The following DYNC2I2 variants were observed in gnomAD, a reference collection of about 807,000 sequenced individuals.
DYNC2I2 encodes the protein cytoplasmic dynein 2 intermediate chain 2.
DYNC2I2 carries 39 observed loss-of-function variants against 52.0 expected under a neutral mutation model. The observed-to-expected ratio is 0.75, with a 90% CI of 0.58 to 0.98. DYNC2I2 has a LOEUF of 0.98. Among genes scored for constraint, DYNC2I2 ranks in the 50% least tolerant of loss-of-function variants. The pLI is 0.00. For missense variants in DYNC2I2, 743 were observed against 728.4 expected, an observed-to-expected ratio of 1.02 and a Z score of -0.23; for synonymous variants, 359 against 321.1, an observed-to-expected ratio of 1.12 and a Z score of -1.26.
In DYNC2I2 at chr9:128,648,799, C is replaced by CAA. The variant is rs56801175; in HGVS notation, c.186+7740_186+7741dup. On this transcript the variant is annotated intron_variant, in intron 1 of 8. Transcript: ENST00000372715. ...TGGGCGACGGAGGGAGACTCCGTTT[C>CAA]AAAAAAAAAAAAAAGAGAGAGAGAA... Among the ~76,000 whole-genome samples, 1,265 of 132,086 alleles carry CAA rather than the reference C, an allele frequency of 9.6e-3. 13 individuals are homozygous for CAA. Among genetic ancestry groups the CAA allele is most frequent in the African/African-American group, 0.02 (667 of 32,892 alleles). 86.7% of individuals were successfully genotyped at this position (132,086 alleles called of 152,430 possible).
intron 2 of DYNC2I2, among the ~76,000 whole-genome samples, chr9:128,638,818 A>C (rs1193795383): frequency 6.6e-6 from 1 of 152,236 alleles, no homozygotes; most frequent in Non-Finnish European, 1.5e-5. Flanking sequence ...ATGAGTGGCT[A>C]AATGAATGTG....
At chr9:128,671,302 C>CTT in the DYNC2I2 span, among the ~76,000 whole-genome samples, 8 of 135,292 alleles carry the variant, frequency 5.9e-5, no homozygotes, top group South Asian at 4.7e-4. Context: ...CCCTGTCTCT[C>CTT]TTTTTTTTTT....
the DYNC2I2 span, among the ~76,000 whole-genome samples, chr9:128,663,952 CTT>C: frequency 6.9e-5 from 7 of 102,014 alleles, no homozygotes; most frequent in Non-Finnish European, 9.5e-5. Context: ...TGCACCCAGG[CTT>C]TTTTTTTTTT....
upstream of DYNC2I2, among the ~76,000 whole-genome samples, chr9:128,657,508 G>A (rs919163227): frequency 6.6e-6 from 1 of 151,910 alleles, no homozygotes; most frequent in African/African-American, 2.4e-5. Context: ...TAAAAATAAA[G>A]AATAAACAAA....
chr9:128,641,065 C>G, intron 1 of DYNC2I2, 126 bp from the exon 2 acceptor site: 1 of 1,406,460 alleles, frequency 7.1e-7, no homozygotes, highest in Non-Finnish European at 9.3e-7. Flanking sequence ...AGGGGCCTCT[C>G]TCAGTGAGGT....
At chr9:128,635,883 A>G in intron 4 of DYNC2I2, 116 bp from the exon 5 acceptor site, 1 of 955,184 alleles carries the variant, frequency 1.0e-6, no homozygotes, top group Non-Finnish European at 1.6e-6. Flanking sequence ...CGGCAGAGCC[A>G]CTTGGCTGGA....
the DYNC2I2 span, among the ~76,000 whole-genome samples, chr9:128,680,106 G>A: frequency 1.3e-5 from 2 of 151,850 alleles, no homozygotes; most frequent in East Asian, 3.9e-4. Context: ...TGTTGCCCAG[G>A]CTGGAGTGCA....
rs1487119968 is a variant in DYNC2I2, at chr9:128,636,564, G to C, written c.546-126C>G. 8 of 1,136,474 alleles carry C rather than the reference G, an allele frequency of 7.0e-6. No homozygotes were observed. In the African/African-American group the frequency reaches 1.1e-4, roughly 15 times the overall value. The allele number at this position is 1,136,474 out of a possible 1,614,324, so 70.4% of individuals were successfully genotyped here. On this transcript the variant is annotated intron_variant, in intron 3 of 8. Coordinates refer to ENST00000372715, the MANE Select transcript of DYNC2I2 (RefSeq NM_052844.4). ...TTGTCACCACCAGACACTACTCTGG[G>C]TATTGAAGTGGCCCACACTCCACTC...
intron 1 of DYNC2I2, among the ~76,000 whole-genome samples, chr9:128,645,377 C>A (rs1284199997): frequency 2.0e-5 from 3 of 151,546 alleles, no homozygotes; most frequent in Admixed American, 1.3e-4. Flanking sequence ...GCACCTGTAA[C>A]CCCAGCTACT....
intron 5 of DYNC2I2, 145 bp downstream of exon 5, chr9:128,635,513 G>C (rs967499335): frequency 2.2e-4 from 185 of 835,602 alleles, no homozygotes; most frequent in Non-Finnish European, 9.2e-5. Context: ...GGCTCCTGAG[G>C]GGGGTGACTC....
At position 128,633,859 on chromosome 9, in the gene DYNC2I2, G is replaced by A. The variant is rs752608993; in HGVS notation, c.1496C>T (p.Ala499Val). Residue 499 changes from alanine to valine, a missense_variant, in exon 9 of 9, where the codon GCT (alanine) becomes GTT (valine). Ala to Val is a moderately conservative substitution (Grantham distance 64). Transcript: ENST00000372715. ...CACTGTGCCCTGGGCATCGCCCGCA[G>A]CCAAGAGCTGAGTCTGCTGGCTGTT... is the stretch of plus-strand genomic sequence containing the variant. Reference protein sequence around the residue: ...EFNSQQTQLLAAGDAQGTVKV... With the variant: ...EFNSQQTQLLVAGDAQGTVKV... The A allele has an allele frequency of 3.1e-6, 5 of 1,613,618 alleles. No individual in the cohort carries two copies. In the South Asian group the frequency reaches 5.5e-5, roughly 18 times the overall value.
At chr9:128,669,113 C>T in the DYNC2I2 span, among the ~76,000 whole-genome samples, 1 of 152,082 alleles carries the variant, frequency 6.6e-6, no homozygotes, top group African/African-American at 2.4e-5. Context: ...CACCTGTAAT[C>T]CCAGCACTTT....
upstream of DYNC2I2, among the ~76,000 whole-genome samples, chr9:128,660,877 G>A (rs1417937075): frequency 1.3e-5 from 2 of 151,008 alleles, no homozygotes; most frequent in Non-Finnish European, 2.9e-5. Context: ...CTACAGGCAT[G>A]CACCACCACA....
At chr9:128,664,107 G>A in the DYNC2I2 span, among the ~76,000 whole-genome samples, 5 of 151,896 alleles carry the variant, frequency 3.3e-5, no homozygotes, top group South Asian at 2.1e-4. Context: ...ACAGGTGGCC[G>A]CCACCACACC....
chr9:128,678,057 GTTTTC>G, the DYNC2I2 span, among the ~76,000 whole-genome samples: 18 of 150,746 alleles, frequency 1.2e-4, no homozygotes, highest in South Asian at 1.0e-3. Flanking sequence ...CTTAGCTGCA[GTTTTC>G]TTTTCTTTTC....
At chr9:128,637,604 G>A (rs1488558446) in intron 2 of DYNC2I2, among the ~76,000 whole-genome samples, 1 of 152,058 alleles carries the variant, frequency 6.6e-6, no homozygotes, top group Non-Finnish European at 1.5e-5. Context: ...CACCAAACCT[G>A]GATAATTTTT....
intron 1 of DYNC2I2, among the ~76,000 whole-genome samples, chr9:128,645,582 A>C (rs1362376067): frequency 7.7e-6 from 1 of 129,310 alleles, no homozygotes; most frequent in Non-Finnish European, 1.6e-5. Flanking sequence ...GTACCACTGC[A>C]CTCTGGCCTG....
At position 128,650,526 on chromosome 9, in the gene DYNC2I2, CATATATAT is replaced by C. The variant is rs57194999; in HGVS notation, c.186+6007_186+6014del. ...AGAAAAGTCAAGTCAGGCCAAAGAC[CATATATAT>C]ATATATATATATATGCCACCACGCC... is the stretch of plus-strand genomic sequence containing the variant. On this transcript the variant is annotated intron_variant, in intron 1 of 8. Coordinates refer to ENST00000372715, the MANE Select transcript of DYNC2I2 (RefSeq NM_052844.4). 7.2e-5 allele frequency among the ~76,000 whole-genome samples: 3 copies of C among 41,458 alleles called. 1 individual carries two copies. Among genetic ancestry groups the C allele is most frequent in the South Asian group, 1.4e-3 (2 of 1,398 alleles). The allele number at this position is 41,458 out of a possible 152,430, so 27.2% of individuals were successfully genotyped here.
chr9:128,655,702 G>A (rs932234687), intron 1 of DYNC2I2, among the ~76,000 whole-genome samples: 7 of 151,086 alleles, frequency 4.6e-5, no homozygotes, highest in Non-Finnish European at 1.0e-4. Context: ...GAGGACAGGA[G>A]ATGGAAACCA....
Sources: gnomAD v4.1 joint callset for allele counts (sites outside exome capture counted in the v4.1 genomes callset) on GRCh38, gnomAD v4.1.1 for gene constraint, MANE v1.5 for transcripts, NCBI Gene and HGNC (gene_info 2026-07-23, HGNC 2026-07-21) for gene names.